Variants in CNIH3 observed in about 807,000 individuals in gnomAD.
CNIH3 encodes protein cornichon homolog 3.
Under a neutral mutation model 24.1 loss-of-function variants are expected in CNIH3, and 14 were observed. The ratio of observed to expected loss-of-function variants is 0.58; its 90% CI spans 0.38 to 0.91. The LOEUF is 0.91. CNIH3 is among the 40% of genes least tolerant of loss of function. The pLI is 0.00. For synonymous variants in CNIH3, 68 were observed against 73.8 expected, an observed-to-expected ratio of 0.92 and a Z score of 0.40; for missense variants, 178 against 196.8, an observed-to-expected ratio of 0.90 and a Z score of 0.57.
At chr1:224,495,019 T>G (rs1460012395) in intron 1 of CNIH3, among the ~76,000 whole-genome samples, 1 of 152,154 alleles carries the variant, frequency 6.6e-6, no homozygotes, top group African/African-American at 2.4e-5. Flanking sequence ...TACACACACA[T>G]GTACTCATAC....
At chr1:224,573,475 C>A (rs761045232) in intron 4 of CNIH3, among the ~76,000 whole-genome samples, 21 of 152,052 alleles carry the variant, frequency 1.4e-4, no homozygotes, top group Non-Finnish European at 2.6e-4. Context: ...GTGTGCTACT[C>A]GGAGATCTTC....
At chr1:224,488,015 G>C (rs1199641633) in intron 1 of CNIH3, among the ~76,000 whole-genome samples, 2 of 151,802 alleles carry the variant, frequency 1.3e-5, no homozygotes. Flanking sequence ...CATTCCTGGT[G>C]CTTTACACAT....
intron 4 of CNIH3, among the ~76,000 whole-genome samples, chr1:224,582,959 A>C (rs1376965270): frequency 2.0e-5 from 3 of 152,188 alleles, no homozygotes; most frequent in Admixed American, 2.0e-4. Flanking sequence ...GGCACACAGC[A>C]TGTGCTGGGA....
At position 224,569,875 on chromosome 1, in the gene CNIH3, C is replaced by T. The variant is rs77786064; in HGVS notation, n.516+3611C>T. ...CTCAGCTCACTGCAAACTCAACCTCCCGGGTTCAAGCGATTCTCTTGCCTC... is the reference window on the plus strand; with the variant it reads ...CTCAGCTCACTGCAAACTCAACCTCTCGGGTTCAAGCGATTCTCTTGCCTC... On this transcript the variant is annotated intron_variant and non_coding_transcript_variant, in intron 4 of 5. Coordinates refer to the CNIH3 transcript ENST00000471578. 4.1e-3 allele frequency among the ~76,000 whole-genome samples: 618 copies of T among 152,178 alleles called. 4 individuals are homozygous for T. Among genetic ancestry groups the T allele is most frequent in the African/African-American group, 0.014 (600 of 41,486 alleles).
chr1:224,493,810 C>T (rs936770217), intron 1 of CNIH3, among the ~76,000 whole-genome samples: 1 of 152,032 alleles, frequency 6.6e-6, no homozygotes, highest in Non-Finnish European at 1.5e-5. Context: ...AGTGCGATTC[C>T]TTTCTCCTCT....
intron 1 of CNIH3, among the ~76,000 whole-genome samples, chr1:224,679,009 G>T (rs1285019226): frequency 1.3e-5 from 2 of 152,064 alleles, no homozygotes; most frequent in Non-Finnish European, 2.9e-5. Flanking sequence ...ATCGATAAAA[G>T]AATGAATGCT....
Position 224,707,157 on chromosome 1 carries a change from T to A in CNIH3, c.198+22314T>A, listed in dbSNP as rs78240949. ...TTTTGTATTTTTAGTAGACATGGGGTTTCACCATGTTGTCCAGGCTGATCT... is the reference window on the plus strand; with the variant it reads ...TTTTGTATTTTTAGTAGACATGGGGATTCACCATGTTGTCCAGGCTGATCT... On this transcript the variant is annotated intron_variant, in intron 3 of 5. Coordinates refer to ENST00000272133, the MANE Select transcript of CNIH3 (RefSeq NM_152495.2). 5.1e-3 allele frequency among the ~76,000 whole-genome samples: 776 copies of A among 151,800 alleles called. 11 individuals are homozygous for A. The highest frequency in any genetic ancestry group is 0.035 in the East Asian group (182 of 5,162).
At chr1:224,700,062 G>C (rs971096270) in intron 3 of CNIH3, among the ~76,000 whole-genome samples, 1 of 152,088 alleles carries the variant, frequency 6.6e-6, no homozygotes, top group Admixed American at 6.5e-5. Flanking sequence ...GTAGGAAGGC[G>C]GATATTTTGT....
intron 3 of CNIH3, among the ~76,000 whole-genome samples, chr1:224,724,346 C>G (rs1688903114): frequency 6.6e-6 from 1 of 152,138 alleles, no homozygotes; most frequent in Non-Finnish European, 1.5e-5. Flanking sequence ...TCCTGGATGC[C>G]CAGGCTGGTG....
chr1:224,557,748 C>T (rs542631748), intron 3 of CNIH3, among the ~76,000 whole-genome samples: 47 of 152,322 alleles, frequency 3.1e-4, no homozygotes, highest in African/African-American at 8.9e-4. Context: ...CAAGCCACCA[C>T]ACCTGGCCCT....
rs78437473 is a variant in CNIH3 at position 224,682,468 on chromosome 1, A to G, written c.150+1442A>G. 2.8e-3 allele frequency among the ~76,000 whole-genome samples: 422 copies of G among 152,326 alleles called. 6 individuals are homozygous for G. The East Asian group carries it at 0.029, about 10-fold the overall frequency. On this transcript the variant is annotated intron_variant, in intron 2 of 5. Coordinates refer to ENST00000272133, the MANE Select transcript of CNIH3 (RefSeq NM_152495.2). ...CTTTGGCATCATATTTTTTGATTCC[A>G]TGAAATAGAGACGAACTCTTTCAAA...
At chr1:224,566,349 A>G (rs1401619359) in intron 4 of CNIH3, 1 of 151,500 alleles carries the variant, frequency 6.6e-6, no homozygotes, top group Non-Finnish European at 1.5e-5. Context: ...TTTCAGGATT[A>G]AGCATGAGTT....
intron 1 of CNIH3, among the ~76,000 whole-genome samples, chr1:224,652,264 A>C (rs1348426694): frequency 6.6e-6 from 1 of 151,946 alleles, no homozygotes; most frequent in Non-Finnish European, 1.5e-5. Context: ...CTATATGGCG[A>C]ACTGGGGTAA....
chr1:224,469,747 AAAT>A (rs2102994964), intron 1 of CNIH3, among the ~76,000 whole-genome samples: 1 of 152,284 alleles, frequency 6.6e-6, no homozygotes, highest in South Asian at 2.1e-4. Flanking sequence ...AAAGAGACAT[AAAT>A]AATAGGAAAA....
chr1:224,559,871 C>A (rs1374287095), intron 3 of CNIH3, among the ~76,000 whole-genome samples: 1 of 152,246 alleles, frequency 6.6e-6, no homozygotes, highest in East Asian at 1.9e-4. Flanking sequence ...TAAAGGTAAC[C>A]ACTATCCTGG....
chr1:224,689,852 A>AT (rs1465574256), intron 3 of CNIH3, among the ~76,000 whole-genome samples: 1 of 152,008 alleles, frequency 6.6e-6, no homozygotes, highest in East Asian at 1.9e-4. Flanking sequence ...CTCATGATTC[A>AT]TTTTTTTGTG....
At chr1:224,654,998 AG>A (rs1398403624) in intron 1 of CNIH3, among the ~76,000 whole-genome samples, 1 of 152,166 alleles carries the variant, frequency 6.6e-6, no homozygotes, top group African/African-American at 2.4e-5. Flanking sequence ...GCACATGCAA[AG>A]GGGGTAATTG....
intron 4 of CNIH3, among the ~76,000 whole-genome samples, chr1:224,568,977 A>G (rs1680702865): frequency 2.0e-5 from 3 of 152,080 alleles, no homozygotes; most frequent in African/African-American, 7.2e-5. Context: ...GGCTCAAGCA[A>G]TTCTCCTGCC....
In CNIH3 at chr1:224,725,271, C is replaced by T. The variant is rs375744659; in HGVS notation, c.199-5191C>T. 6.6e-5 allele frequency among the ~76,000 whole-genome samples: 10 copies of T among 152,252 alleles called. No individual in the cohort carries two copies. The South Asian group carries it at 1.2e-3, about 19-fold the overall frequency. ...ATAACAATAGTGGTGTCTTCTTTTG[C>T]TGGAGGCTTCTTCACTTTTGAGAGC... On this transcript the variant is annotated intron_variant, in intron 3 of 5. Coordinates refer to ENST00000272133, the MANE Select transcript of CNIH3 (RefSeq NM_152495.2).
Sources: allele counts gnomAD v4.1 joint callset (sites outside exome capture counted in the v4.1 genomes callset), GRCh38; gene constraint gnomAD v4.1.1; transcripts MANE v1.5; gene names NCBI Gene and HGNC (gene_info 2026-07-23, HGNC 2026-07-21).